SYNPO2: variants seen among roughly 807,000 people sequenced by gnomAD.
SYNPO2 encodes the protein synaptopodin-2.
A neutral mutation model predicts 85.0 loss-of-function variants in SYNPO2; 56 were observed. That is an observed-to-expected ratio of 0.66 (90% CI 0.53 to 0.82). SYNPO2 has a LOEUF of 0.82. SYNPO2 is among the 40% of genes least tolerant of loss of function. The probability of loss-of-function intolerance (pLI) is 0.00; values close to 1 mark genes in which losing one functional copy is unlikely to be tolerated. For missense variants in SYNPO2, 1,575 were observed against 1,534.2 expected (o/e 1.03, Z -0.44); for synonymous variants, 602 against 591.1 (o/e 1.02, Z -0.27).
intron 1 of SYNPO2, chr4:119,006,004 T>G (rs903872544): frequency 6.6e-6 from 1 of 152,436 alleles, no homozygotes; most frequent in African/African-American, 2.4e-5. Context: ...GTGTCTGAGC[T>G]CCAGCCAGAG....
chr4:118,880,746 CA>C (rs11348298), intron 1 of SYNPO2, among the ~76,000 whole-genome samples: 84,836 of 131,730 alleles, frequency 0.64, 25,478 homozygotes, highest in East Asian at 0.74. Flanking sequence ...GACTCTGTCC[CA>C]AAAAAAAAAA....
chr4:118,963,511 CT>C (rs982870308), intron 1 of SYNPO2, among the ~76,000 whole-genome samples: 1 of 152,114 alleles, frequency 6.6e-6, no homozygotes, highest in Non-Finnish European at 1.5e-5. Context: ...GCATCTTTAA[CT>C]TTTTTTAGAA....
intron 1 of SYNPO2, among the ~76,000 whole-genome samples, chr4:118,965,854 G>A (rs147067498): frequency 1.6e-4 from 24 of 152,092 alleles, no homozygotes; most frequent in African/African-American, 4.8e-4. Context: ...AGGCTGAGAC[G>A]GGAGGATCAC....
intron 1 of SYNPO2, among the ~76,000 whole-genome samples, chr4:118,949,210 A>C (rs1453814927): frequency 6.6e-6 from 1 of 152,172 alleles, no homozygotes; most frequent in Non-Finnish European, 1.5e-5. Flanking sequence ...CACAATAGAT[A>C]AACAGTTATA....
intron 1 of SYNPO2, among the ~76,000 whole-genome samples, chr4:118,939,176 T>C (rs935894674): frequency 1.3e-5 from 2 of 152,260 alleles, no homozygotes; most frequent in African/African-American, 2.4e-5. Context: ...GCACAGTTGG[T>C]TTAGCAGTGT....
intron 1 of SYNPO2, among the ~76,000 whole-genome samples, chr4:118,914,422 G>A (rs1395599362): frequency 2.0e-5 from 3 of 152,084 alleles, no homozygotes; most frequent in African/African-American, 7.2e-5. Context: ...GACAGAGAAA[G>A]AAGAGTCAAT....
At chr4:118,872,128 C>A (rs536212960) in intron 1 of SYNPO2, among the ~76,000 whole-genome samples, 2 of 151,954 alleles carry the variant, frequency 1.3e-5, no homozygotes, top group African/African-American at 2.4e-5. Context: ...TATTTTTTTT[C>A]TTTGCGTAAA....
chr4:119,002,084 G>A (rs1399990135), intron 1 of SYNPO2, among the ~76,000 whole-genome samples: 1 of 152,136 alleles, frequency 6.6e-6, no homozygotes, highest in Non-Finnish European at 1.5e-5. Flanking sequence ...AGCTTAGCCA[G>A]GTAGTATGTT....
chr4:119,048,651 T>C lies in SYNPO2; in HGVS notation c.3253-8750T>C, dbSNP rs141516566. Among the ~76,000 whole-genome samples the C allele has an allele frequency of 4.9e-4, 74 of 152,288 alleles. 1 individual carries two copies. The highest frequency in any genetic ancestry group is 1.6e-3 in the African/African-American group (66 of 41,552). ...CCTGAAGAAAACAAGGTAGGAGTCA[T>C]GCTGGTACCTGGGGTGAGCAAGTAC... On this transcript the variant is annotated intron_variant, in intron 4 of 4. Coordinates refer to ENST00000307142, the MANE Select transcript of SYNPO2 (RefSeq NM_133477.3).
At position 119,027,229 on chromosome 4, in the gene SYNPO2, T is replaced by C; in HGVS notation, c.860T>C (p.Ile287Thr). The C allele has an allele frequency of 1.2e-6, 2 of 1,614,098 alleles. No individual in the cohort carries two copies. The highest frequency in any genetic ancestry group is 1.7e-6 in the Non-Finnish European group (2 of 1,180,018). ...GCGGGACTGCCCCGGGTGGAAGTGATCCTCGACTGCTCTGACAGGCAGAAG... is the reference window on the plus strand; with the variant it reads ...GCGGGACTGCCCCGGGTGGAAGTGACCCTCGACTGCTCTGACAGGCAGAAG... ...GDAGLPRVEV[I>T]LDCSDRQKTE... is the part of the protein sequence containing the mutation. The change falls in exon 3 of 5, where the codon ATC becomes ACC. Residue 287 changes from isoleucine to threonine, a missense_variant. Coordinates refer to ENST00000307142, the MANE Select transcript of SYNPO2 (RefSeq NM_133477.3).
intron 1 of SYNPO2, among the ~76,000 whole-genome samples, chr4:118,920,567 G>A (rs1247875641): frequency 1.3e-5 from 2 of 152,112 alleles, no homozygotes; most frequent in Non-Finnish European, 2.9e-5. Flanking sequence ...AATCCACCAT[G>A]GAACAGAGGA....
At position 118,896,737 on chromosome 4, in the gene SYNPO2, G is replaced by A. The variant is rs545694835; in HGVS notation, c.105+7596G>A. 1.1e-4 allele frequency among the ~76,000 whole-genome samples: 17 copies of A among 152,328 alleles called. No homozygotes were observed. The South Asian group carries it at 3.5e-3, about 32-fold the overall frequency. On this transcript the variant is annotated intron_variant, in intron 1 of 4. Transcript: ENST00000307142. ...CTTTGCATGTGGCAGATTATTGGAT[G>A]TAGTTTCCTTTAACTAGCATATAAA...
At chr4:119,038,043 G>A in intron 4 of SYNPO2, 1 of 714,662 alleles carries the variant, frequency 1.4e-6, no homozygotes, top group Non-Finnish European at 1.7e-6. Flanking sequence ...TAAACAACTT[G>A]TGCAACAATC....
At chr4:118,862,506 C>T (rs1731627255) in intron 1 of SYNPO2, among the ~76,000 whole-genome samples, 1 of 152,242 alleles carries the variant, frequency 6.6e-6, no homozygotes, top group South Asian at 2.1e-4. Context: ...TACCTCCTAT[C>T]CCCAGTTTTT....
Position 118,874,589 on chromosome 4 carries a change from C to T in SYNPO2, c.12+23649C>T, listed in dbSNP as rs369917031. Among the ~76,000 whole-genome samples, 175 of 152,154 alleles carry T rather than the reference C, an allele frequency of 1.2e-3. 1 individual carries two copies. The highest frequency in any genetic ancestry group is 4.1e-3 in the African/African-American group (170 of 41,520). ...TCTTTTTATAGCTGGATAAGTTTTG[C>T]CTTTTTTCCCTGCTGTGGACCTCCT... On this transcript the variant is annotated intron_variant, in intron 1 of 4. Transcript: ENST00000610556.
chr4:118,901,260 T>C (rs1163829337), intron 1 of SYNPO2, among the ~76,000 whole-genome samples: 5 of 152,132 alleles, frequency 3.3e-5, no homozygotes, highest in South Asian at 2.1e-4. Flanking sequence ...TCAACCCTTG[T>C]TGAAAAAACA....
At chr4:118,881,294 T>G (rs896256012) in intron 1 of SYNPO2, among the ~76,000 whole-genome samples, 1 of 121,254 alleles carries the variant, frequency 8.2e-6, no homozygotes, top group Non-Finnish European at 1.7e-5. Flanking sequence ...AGAGCAAAAC[T>G]CCGTCTCAAA....
At chr4:118,916,175 G>GTT (rs535415722) in intron 1 of SYNPO2, among the ~76,000 whole-genome samples, 8 of 142,000 alleles carry the variant, frequency 5.6e-5, no homozygotes, top group Admixed American at 1.4e-4. Flanking sequence ...GGTTTTTTGG[G>GTT]TTTTTTTTTT....
intron 1 of SYNPO2, among the ~76,000 whole-genome samples, chr4:118,968,147 A>G (rs1361307361): frequency 6.6e-6 from 1 of 152,198 alleles, no homozygotes; most frequent in Non-Finnish European, 1.5e-5. Context: ...GATGTAGAAC[A>G]AAGAGAGCAG....
Sources: allele counts gnomAD v4.1 joint callset (sites outside exome capture counted in the v4.1 genomes callset), GRCh38; gene constraint gnomAD v4.1.1; transcripts MANE v1.5; gene names NCBI Gene and HGNC (gene_info 2026-07-23, HGNC 2026-07-21).